Variants in SPG7 observed in about 807,000 individuals in gnomAD.
SPG7 encodes mitochondrial inner membrane m-AAA protease component paraplegin.
Under a neutral mutation model 81.9 loss-of-function variants are expected in SPG7, and 103 were observed. The observed-to-expected ratio is 1.26, with a 90% CI of 1.07 to 1.48. SPG7 has a LOEUF of 1.48. Ranked by LOEUF, SPG7 falls within the 40% of genes most tolerant of loss-of-function variation. The probability of loss-of-function intolerance (pLI) is 0.00; values close to 1 mark genes in which losing one functional copy is unlikely to be tolerated. For missense variants in SPG7, 1,241 were observed against 1,087.3 expected (o/e 1.14, Z -1.99); for synonymous variants, 534 against 444.2 (o/e 1.20, Z -2.54).
chr16:89,545,735 T>A, intron 10 of SPG7: 1 of 289,006 alleles, frequency 3.5e-6, no homozygotes, highest in Non-Finnish European at 6.8e-6. Flanking sequence ...ACATTTTACA[T>A]CAGGATTTAG....
At chr16:89,516,097 C>T (rs895604133) in intron 3 of SPG7, among the ~76,000 whole-genome samples, 8 of 152,004 alleles carry the variant, frequency 5.3e-5, no homozygotes, top group African/African-American at 1.9e-4. Context: ...CAGTGATTCT[C>T]CTGCCTCAAC....
intron 2 of SPG7, among the ~76,000 whole-genome samples, chr16:89,511,298 A>G (rs1420438042): frequency 6.6e-6 from 1 of 152,196 alleles, no homozygotes; most frequent in Admixed American, 6.5e-5. Context: ...ATACCCTGCA[A>G]ATAATTTGCT....
intron 6 of SPG7, 27 bp downstream of exon 6, chr16:89,529,606 G>A (rs1399167993): frequency 1.3e-6 from 2 of 1,504,698 alleles, no homozygotes; most frequent in South Asian, 1.1e-5. Flanking sequence ...AGAGCTCTCT[G>A]AACTCTTTCT....
intron 3 of SPG7, 166 bp from the exon 4 acceptor site, chr16:89,523,840 T>C: frequency 1.1e-6 from 1 of 911,034 alleles, no homozygotes; most frequent in Non-Finnish European, 1.7e-6. Context: ...ACAGCGTTAG[T>C]CTTTGTCTCT....
rs914666928 is a variant in SPG7 at position 89,530,436 on chromosome 16, G to T, written c.862-247G>T. Reference sequence around the variant, plus strand: ...TAGGATTACAGGCGTGAGCCACCATGCCTGGCTGAGTAATTTTTTTTAAAG... The same window carrying T: ...TAGGATTACAGGCGTGAGCCACCATTCCTGGCTGAGTAATTTTTTTTAAAG... On this transcript the variant is annotated intron_variant, in intron 6 of 16. Transcript: ENST00000645818. 7 of 549,642 alleles carry T rather than the reference G, an allele frequency of 1.3e-5. No homozygotes were observed. The African/African-American group carries it at 1.3e-4, about 10-fold the overall frequency. The allele number at this position is 549,642 out of a possible 1,614,324, so 34.0% of individuals were successfully genotyped here.
At position 89,526,436 on chromosome 16, in the gene SPG7, A is replaced by G. The variant is rs777764324; in HGVS notation, c.726A>G (p.Pro242=). Residue 242 remains proline (P), a synonymous_variant, in exon 5 of 17, where the codon CCA becomes CCG. Coordinates refer to ENST00000645818, the MANE Select transcript of SPG7 (RefSeq NM_003119.4). ...ELNIEAKDRI[P]VSYKRTGFFG... ...ATATCGAGGCCAAGGACAGGATCCCAGTTTCCTACAAGCGAACAGGATTCT... is the reference window on the plus strand; with the variant it reads ...ATATCGAGGCCAAGGACAGGATCCCGGTTTCCTACAAGCGAACAGGATTCT... 11 of 1,614,236 alleles carry G rather than the reference A, an allele frequency of 6.8e-6. No individual in the cohort carries two copies. Among genetic ancestry groups the G allele is most frequent in the Non-Finnish European group, 9.3e-6 (11 of 1,180,038 alleles).
intron 1 of SPG7, among the ~76,000 whole-genome samples, chr16:89,510,067 C>T (rs1199551398): frequency 2.0e-5 from 3 of 151,988 alleles, no homozygotes; most frequent in African/African-American, 4.8e-5. Context: ...CTCTGCCTCC[C>T]GGGTTCAAGC....
At chr16:89,544,595 C>G in intron 9 of SPG7, 53 bp from the exon 10 acceptor site, 2 of 1,609,842 alleles carry the variant, frequency 1.2e-6, no homozygotes, top group Non-Finnish European at 1.7e-6. Context: ...CAGGGGAAAT[C>G]TGTTGTGTCA....
chr16:89,524,605 G>A (rs1344429994), intron 4 of SPG7, among the ~76,000 whole-genome samples: 1 of 152,020 alleles, frequency 6.6e-6, no homozygotes, highest in Non-Finnish European at 1.5e-5. Flanking sequence ...CACAACGCCT[G>A]GCTAATTTTT....
In SPG7 at chr16:89,510,606, T is replaced by TTAAC; in HGVS notation, c.286+14_286+15insTAAC. On this transcript the variant is annotated intron_variant, in intron 2 of 16. Coordinates refer to ENST00000645818, the MANE Select transcript of SPG7 (RefSeq NM_003119.4). ...GGCAACTTTTAGGTATGTATCTGTT[T>TTAAC]AAAGAAGCAGCTGAGCATGACTGCA... 1 of 1,520,850 alleles carries TTAAC rather than the reference T, an allele frequency of 6.6e-7. No homozygotes were observed. The highest frequency in any genetic ancestry group is 1.1e-5 in the South Asian group (1 of 89,160). 94.2% of individuals were successfully genotyped at this position (1,520,850 alleles called of 1,614,324 possible).
intron 3 of SPG7, chr16:89,518,460 G>T (rs2058133717): frequency 6.6e-6 from 1 of 152,056 alleles, no homozygotes; most frequent in African/African-American, 2.4e-5. Flanking sequence ...CTGATAACGC[G>T]GGTGAACCTG....
chr16:89,552,979 G>T lies in SPG7; in HGVS notation c.1780G>T (p.Val594Phe). 1 of 1,613,700 alleles carries T rather than the reference G, an allele frequency of 6.2e-7. No individual in the cohort carries two copies. ...CTGGGTCATCTTGACCTTGTGCCAG[G>T]TCTCCATAACCCCTCGGACAAACGC... Reference protein sequence around the residue: ...MLEHTEAVMKVSITPRTNAAL... With the variant: ...MLEHTEAVMKFSITPRTNAAL... Residue 594 changes from valine to phenylalanine, a missense_variant and splice_region_variant, in exon 14 of 17, where the codon GTC becomes TTC. Physicochemically the swap from Val to Phe is conservative, Grantham distance 50 (BLOSUM62 -1). Coordinates refer to ENST00000645818, the MANE Select transcript of SPG7 (RefSeq NM_003119.4).
chr16:89,516,303 A>G (rs1018129596), intron 3 of SPG7, among the ~76,000 whole-genome samples: 2 of 151,914 alleles, frequency 1.3e-5, no homozygotes, highest in African/African-American at 4.8e-5. Flanking sequence ...TTTTTTTAAT[A>G]AAAGAAGAAA....
In SPG7 at chr16:89,508,563, C is replaced by T. The variant is rs758294851; in HGVS notation, c.146C>T (p.Pro49Leu). 4.0e-5 allele frequency: 60 copies of T among 1,495,064 alleles called. No individual in the cohort carries two copies. The highest frequency in any genetic ancestry group is 5.1e-5 in the Non-Finnish European group (58 of 1,128,150). The allele number at this position is 1,495,064 out of a possible 1,614,324, so 92.6% of individuals were successfully genotyped here. A position where few individuals can be genotyped will look rare whatever the true frequency, so the allele number is the denominator to read the frequency against. Residue 49 changes from proline to leucine, a missense_variant, in exon 1 of 17, where the codon CCG becomes CTG. Coordinates refer to ENST00000645818, the MANE Select transcript of SPG7 (RefSeq NM_003119.4). Reference sequence around the variant, plus strand: ...CGGCCGTACATGGCCAGCAGGCCTCCGGGGGACCTCGCCGAGGCTGGAGGC... The same window carrying T: ...CGGCCGTACATGGCCAGCAGGCCTCTGGGGGACCTCGCCGAGGCTGGAGGC... ...RGRPYMASRPPGDLAEAGGRA... is the reference protein window; with the variant it reads ...RGRPYMASRPLGDLAEAGGRA...
intron 3 of SPG7, among the ~76,000 whole-genome samples, chr16:89,516,113 G>C (rs1010665393): frequency 6.6e-6 from 1 of 152,004 alleles, no homozygotes; most frequent in Admixed American, 6.6e-5. Flanking sequence ...TCAACCTCAC[G>C]AATAGCTGGG....
Position 89,557,528 on chromosome 16 carries a change from A to ATAC in SPG7, c.*435_*436insTAC. ...GGATCGGACATGAAAGGACCCTGTG[A>ATAC]GCCGATTGTCCTATCTCCAGCGGCC... is the stretch of plus-strand genomic sequence containing the variant. On this transcript the variant is annotated 3_prime_UTR_variant, in exon 17 of 17. Transcript: ENST00000645818. 16 of 224,286 alleles carry ATAC rather than the reference A, an allele frequency of 7.1e-5. No individual in the cohort carries two copies. The highest frequency in any genetic ancestry group is 1.8e-4 in the South Asian group (3 of 16,540). The allele number at this position is 224,286 out of a possible 1,614,324, so 13.9% of individuals were successfully genotyped here. A position where few individuals can be genotyped will look rare whatever the true frequency, so the allele number is the denominator to read the frequency against.
chr16:89,547,903 A>G lies in SPG7; in HGVS notation c.1553-100A>G, dbSNP rs545410807. On this transcript the variant is annotated intron_variant, in intron 11 of 16. Transcript: ENST00000645818. ...GCTGGGATTACAGGGGTGAGCCACC[A>G]TGCCCGGCCATCTTTGTTCTCCCTT... The G allele has an allele frequency of 9.4e-5, 83 of 887,076 alleles. No homozygotes were observed. The African/African-American group carries it at 1.3e-3, about 14-fold the overall frequency. The allele number at this position is 887,076 out of a possible 1,614,324, so 55.0% of individuals were successfully genotyped here.
Position 89,544,720 on chromosome 16 carries a change from T to A in SPG7, c.1397T>A (p.Met466Lys), listed in dbSNP as rs771792815. ...NRADILDGAL[M>K]RPGRLDRHVF... ...GCTGACATTTTGGACGGTGCTCTGATGAGGCCAGGCCGACTGGACCGGCAC... is the reference window on the plus strand; with the variant it reads ...GCTGACATTTTGGACGGTGCTCTGAAGAGGCCAGGCCGACTGGACCGGCAC... The change falls in exon 10 of 17, where the codon ATG becomes AAG. Residue 466 changes from methionine to lysine, a missense_variant. Transcript: ENST00000645818. The A allele has an allele frequency of 6.2e-7, 1 of 1,614,146 alleles. No individual in the cohort carries two copies. Among genetic ancestry groups the A allele is most frequent in the Non-Finnish European group, 8.5e-7 (1 of 1,180,010 alleles).
At chr16:89,554,741 A>T in intron 16 of SPG7, 178 bp downstream of exon 16, 1 of 617,570 alleles carries the variant, frequency 1.6e-6, no homozygotes, top group Non-Finnish European at 3.0e-6. Context: ...TTTATCCTGA[A>T]CTCGTCAAGT....
Sources: gnomAD v4.1 joint callset for allele counts (sites outside exome capture counted in the v4.1 genomes callset) on GRCh38, gnomAD v4.1.1 for gene constraint, MANE v1.5 for transcripts, NCBI Gene and HGNC (gene_info 2026-07-23, HGNC 2026-07-21) for gene names.